The following PPP1R3B variants were observed in gnomAD, a reference collection of about 807,000 sequenced individuals.
PPP1R3B encodes the protein PP1 subunit R4.
Under a neutral mutation model 14.6 loss-of-function variants are expected in PPP1R3B, and 8 were observed. The ratio of observed to expected loss-of-function variants is 0.55; its 90% confidence interval spans 0.32 to 0.99. The LOEUF (loss-of-function observed/expected upper bound fraction) is 0.99. Ranked by LOEUF, PPP1R3B falls within the 50% of genes least tolerant of loss-of-function variation. PPP1R3B has a pLI of 0.04. For synonymous variants in PPP1R3B, 169 were observed against 142.0 expected (o/e 1.19, Z -1.35); for missense variants, 452 against 360.1 (o/e 1.26, Z -2.07).
In PPP1R3B at chr8:9,140,733, C is replaced by G. The variant is rs768632302; in HGVS notation, c.*61G>C. The G allele has an allele frequency of 3.2e-4, 496 of 1,574,198 alleles. No individual in the cohort carries two copies. The highest frequency in any genetic ancestry group is 3.8e-4 in the Non-Finnish European group (442 of 1,156,096). On this transcript the variant is annotated 3_prime_UTR_variant, in exon 2 of 2. Coordinates refer to ENST00000310455, the MANE Select transcript of PPP1R3B (RefSeq NM_024607.4). ...CCTCCCTGGCCTTCCATCTCCACTG[C>G]ACAGTGAGCAGAGCTAGGCTTGTCT... is the stretch of plus-strand genomic sequence containing the variant.
At position 9,141,416 on chromosome 8, in the gene PPP1R3B, A is replaced by G; in HGVS notation, c.236T>C (p.Phe79Ser). ...QGLALTMVKV[F>S]SEFDDPLDMP... ...ATCTAGCGGGTCATCGAATTCCGAG[A>G]ACACTTTGACCATTGTCAGGGCCAG... is the stretch of plus-strand genomic sequence containing the variant. Residue 79 changes from phenylalanine to serine, a missense_variant, in exon 2 of 2, where the codon TTC becomes TCC. Transcript: ENST00000310455. 6.2e-7 allele frequency: 1 copy of G among 1,614,156 alleles called. No homozygotes were observed.
At position 9,140,132 on chromosome 8, in the gene PPP1R3B, G is replaced by C. The variant is rs1035301155; in HGVS notation, c.*662C>G. 4 of 155,602 alleles carry C rather than the reference G, an allele frequency of 2.6e-5. No individual in the cohort carries two copies. Among genetic ancestry groups the C allele is most frequent in the African/African-American group, 9.6e-5 (4 of 41,568 alleles). 9.6% of individuals were successfully genotyped at this position (155,602 alleles called of 1,614,324 possible). ...CTGTGGGGTCAAGAAGCGGGAGGAG[G>C]AAATGCCTGTCTCAACCACTAACTA... On this transcript the variant is annotated 3_prime_UTR_variant, in exon 2 of 2. Transcript: ENST00000310455.
chr8:9,141,014 T>G lies in PPP1R3B; in HGVS notation c.638A>C (p.Tyr213Ser), dbSNP rs36051920. 6.2e-7 allele frequency: 1 copy of G among 1,614,254 alleles called. No individual in the cohort carries two copies. Among genetic ancestry groups the G allele is most frequent in the Non-Finnish European group, 8.5e-7 (1 of 1,180,042 alleles). The change falls in exon 2 of 2, where the codon TAC becomes TCC. Residue 213 changes from tyrosine (Y) to serine (S), a missense_variant. Coordinates refer to ENST00000310455, the MANE Select transcript of PPP1R3B (RefSeq NM_024607.4). ...QSYERMEFAV[Y>S]YECNGQTYWD... ...GTACGTCTGTCCATTGCACTCGTAG[T>G]ACACAGCAAACTCCATTCTTTCATA...
At chr8:9,144,062 A>G (rs1226572135) in intron 1 of PPP1R3B, among the ~76,000 whole-genome samples, 1 of 152,170 alleles carries the variant, frequency 6.6e-6, no homozygotes, top group East Asian at 1.9e-4. Flanking sequence ...AAAATTTTAA[A>G]GTGGCCTATA....
intron 1 of PPP1R3B, among the ~76,000 whole-genome samples, chr8:9,147,301 T>C (rs1801271743): frequency 1.3e-5 from 2 of 152,270 alleles, no homozygotes; most frequent in Non-Finnish European, 2.9e-5. Context: ...GTGCCCAGCC[T>C]TGTTTTTAAA....
chr8:9,140,461 C>T lies in PPP1R3B; in HGVS notation c.*333G>A. 1 of 325,302 alleles carries T rather than the reference C, an allele frequency of 3.1e-6. No homozygotes were observed. Among genetic ancestry groups the T allele is most frequent in the African/African-American group, 2.1e-5 (1 of 47,902 alleles). The allele number at this position is 325,302 out of a possible 1,614,324, so 20.2% of individuals were successfully genotyped here. A position where few individuals can be genotyped will look rare whatever the true frequency, so the allele number is the denominator to read the frequency against. ...TGATGTCCCACATCTGAGTGGAGAG[C>T]AGAGGAGAGACTCCTCCAGCTTCAT... is the stretch of plus-strand genomic sequence containing the variant. On this transcript the variant is annotated 3_prime_UTR_variant, in exon 2 of 2. Coordinates refer to ENST00000310455, the MANE Select transcript of PPP1R3B (RefSeq NM_024607.4).
At position 9,141,528 on chromosome 8, in the gene PPP1R3B, T is replaced by A. The variant is rs1211674349; in HGVS notation, c.124A>T (p.Ser42Cys). 2 of 1,614,194 alleles carry A rather than the reference T, an allele frequency of 1.2e-6. No individual in the cohort carries two copies. The highest frequency in any genetic ancestry group is 1.7e-6 in the Non-Finnish European group (2 of 1,180,040). The part of the protein sequence containing the change: ...KPLRPCIQLS[S>C]KNEASGMVAP... ...ACCATTCCACTGGCTTCATTCTTGC[T>A]GCTCAGCTGAATACAAGGCCTCAGT... The change falls in exon 2 of 2, where the codon AGC becomes TGC. Residue 42 changes from serine (S) to cysteine (C), a missense_variant. Physicochemically the swap from Ser to Cys is moderately radical, Grantham distance 112. Transcript: ENST00000310455.
rs536895705 is a variant in PPP1R3B at position 9,137,130 on chromosome 8, A to C, written c.*3664T>G. On this transcript the variant is annotated 3_prime_UTR_variant, in exon 2 of 2. Transcript: ENST00000310455. ...CTGACATTGTTTTAATTTCTGGAGA[A>C]CTGTACAGCTTCATTATTTCTCACC... 6.6e-6 allele frequency: 1 copy of C among 152,210 alleles called. No individual in the cohort carries two copies. The highest frequency in any genetic ancestry group is 1.5e-5 in the Non-Finnish European group (1 of 68,030). 9.4% of individuals were successfully genotyped at this position (152,210 alleles called of 1,614,324 possible). A position where few individuals can be genotyped will look rare whatever the true frequency, so the allele number is the denominator to read the frequency against.
At chr8:9,149,073 G>T (rs1052189755) in intron 1 of PPP1R3B, among the ~76,000 whole-genome samples, 4 of 148,514 alleles carry the variant, frequency 2.7e-5, no homozygotes, top group Non-Finnish European at 3.0e-5. Context: ...GGCGCCTGTA[G>T]TCCCAGCTAC....
At chr8:9,151,203 C>G (rs1385488644), upstream of PPP1R3B, 1 of 152,476 alleles carries the variant, frequency 6.6e-6, no homozygotes, top group African/African-American at 2.4e-5. Context: ...GGCCAGCTAC[C>G]TAGAGTGTTC....
chr8:9,147,484 T>C (rs1200505441), intron 1 of PPP1R3B, among the ~76,000 whole-genome samples: 1 of 152,116 alleles, frequency 6.6e-6, no homozygotes, highest in Non-Finnish European at 1.5e-5. Context: ...CCAAGAAGCC[T>C]GCAAACCAGC....
At chr8:9,144,832 ACC>A (rs1246730268) in intron 1 of PPP1R3B, among the ~76,000 whole-genome samples, 107 of 151,998 alleles carry the variant, frequency 7.0e-4, no homozygotes, top group African/African-American at 2.5e-3. Flanking sequence ...TGCAACCTCC[ACC>A]TCCCAGGTTC....
chr8:9,141,655 G>A lies in PPP1R3B; in HGVS notation c.-4C>T, dbSNP rs747593351. On this transcript the variant is annotated 5_prime_UTR_variant, in exon 2 of 2. Coordinates refer to ENST00000310455, the MANE Select transcript of PPP1R3B (RefSeq NM_024607.4). ...ACTCGATGTCCACAGCCATCATGGG[G>A]CTAGATGAACAGGCTAGAACCGTGG... The A allele has an allele frequency of 1.2e-6, 2 of 1,612,860 alleles. No homozygotes were observed. The highest frequency in any genetic ancestry group is 1.3e-5 in the African/African-American group (1 of 75,020).
At chr8:9,149,922 C>T (rs1313131446) in intron 1 of PPP1R3B, among the ~76,000 whole-genome samples, 2 of 152,234 alleles carry the variant, frequency 1.3e-5, no homozygotes, top group Non-Finnish European at 2.9e-5. Context: ...TAAGAATGCC[C>T]GCACCTTGCT....
intron 1 of PPP1R3B, among the ~76,000 whole-genome samples, chr8:9,147,092 C>G (rs896377367): frequency 1.1e-4 from 17 of 152,132 alleles, no homozygotes; most frequent in Admixed American, 6.5e-4. Flanking sequence ...AAGCGATTCT[C>G]CTGCCTCAGC....
rs1800948333 is a variant in PPP1R3B at position 9,138,059 on chromosome 8, G to A, written c.*2735C>T. The A allele has an allele frequency of 6.6e-6, 1 of 152,198 alleles. No homozygotes were observed. Among genetic ancestry groups the A allele is most frequent in the Non-Finnish European group, 1.5e-5 (1 of 68,034 alleles). The allele number at this position is 152,198 out of a possible 1,614,324, so 9.4% of individuals were successfully genotyped here. On this transcript the variant is annotated 3_prime_UTR_variant, in exon 2 of 2. Transcript: ENST00000310455. ...CAGGCCTTTTTCTTATGAACAGAGT[G>A]ATCCTTAGTCGGGTAACATGTCAAT...
At chr8:9,151,161 G>A (rs973308866), upstream of PPP1R3B, among the ~76,000 whole-genome samples, 1 of 152,142 alleles carries the variant, frequency 6.6e-6, no homozygotes, top group Non-Finnish European at 1.5e-5. Flanking sequence ...TCCCTGGATC[G>A]CCCTCTCCAC....
rs1801091344 is a variant in PPP1R3B at position 9,141,577 on chromosome 8, C to A, written c.75G>T (p.Lys25Asn). The change falls in exon 2 of 2, where the codon AAG becomes AAT. Residue 25 changes from lysine (K) to asparagine (N), a missense_variant. Physicochemically the swap from Lys to Asn is moderately conservative, Grantham distance 94. Transcript: ENST00000310455. ...GTGGTTTGCTGGGCTTTGGTGAGAT[C>A]TTAAAGGCAAACCTCTCTTGGCGCA... ...PSLRQERFAF[K>N]ISPKPSKPLR... The A allele has an allele frequency of 3.1e-6, 5 of 1,614,082 alleles. No individual in the cohort carries two copies. The South Asian group carries it at 5.5e-5, about 18-fold the overall frequency.
intron 1 of PPP1R3B, among the ~76,000 whole-genome samples, chr8:9,149,951 A>C (rs1009603740): frequency 6.6e-6 from 1 of 152,190 alleles, no homozygotes; most frequent in African/African-American, 2.4e-5. Flanking sequence ...TGAGCGAGTC[A>C]CTCAGCTGCT....
Sources: gnomAD v4.1 joint callset for allele counts (sites outside exome capture counted in the v4.1 genomes callset) on GRCh38, gnomAD v4.1.1 for gene constraint, MANE v1.5 for transcripts, NCBI Gene and HGNC (gene_info 2026-07-23, HGNC 2026-07-21) for gene names.